The following NLGN1 variants were observed in gnomAD, a reference collection of about 807,000 sequenced individuals.
NLGN1 encodes neuroligin 1, also known as neuroligin-1.
In NLGN1, 12 loss-of-function variants were observed where a neutral mutation model predicts 65.5. That is an observed-to-expected ratio of 0.18 (90% CI 0.12 to 0.30). The LOEUF is 0.30. Ranked by LOEUF, NLGN1 falls within the 10% of genes least tolerant of loss-of-function variation. NLGN1 has a pLI of 1.00. For synonymous variants in NLGN1, 350 were observed against 359.5 expected (o/e 0.97, Z 0.30); for missense variants, 750 against 1,007.1 (o/e 0.74, Z 3.46).
chr3:174,280,008 G>A lies in NLGN1; in HGVS notation c.1649+358G>A, dbSNP rs924362879. On this transcript the variant is annotated intron_variant, in intron 6 of 6. Transcript: ENST00000457714. The surrounding 1 kb of genome is among the most constrained non-coding windows in gnomAD (Gnocchi z 4.9). Reference sequence around the variant, plus strand: ...CCTTCCAACTACCTTTCTGAATCTCGCAGATCAGGTACTATTAATCCCACT... The same window carrying A: ...CCTTCCAACTACCTTTCTGAATCTCACAGATCAGGTACTATTAATCCCACT... Among the ~76,000 whole-genome samples the A allele has an allele frequency of 6.6e-6, 1 of 151,796 alleles. No homozygotes were observed. Among genetic ancestry groups the A allele is most frequent in the Non-Finnish European group, 1.5e-5 (1 of 67,926 alleles).
In NLGN1 at chr3:174,018,251, C is replaced by T. The variant is rs543275598; in HGVS notation, c.646+210419C>T. On this transcript the variant is annotated intron_variant, in intron 4 of 6. Transcript: ENST00000457714. The stretch of plus-strand genomic sequence containing the variant: ...TATCCTGTTCTTTTTTCAAGGTGCC[C>T]ACATTTCATATTGTTTAAACAATTT... 2.0e-5 allele frequency among the ~76,000 whole-genome samples: 3 copies of T among 152,174 alleles called. No individual in the cohort carries two copies. The East Asian group carries it at 5.8e-4, about 29-fold the overall frequency.
chr3:173,571,791 G>T (rs1744696119), intron 2 of NLGN1, among the ~76,000 whole-genome samples: 1 of 152,086 alleles, frequency 6.6e-6, no homozygotes. Flanking sequence ...ATCTTTTAAT[G>T]GAGCATTTCA....
intron 3 of NLGN1, among the ~76,000 whole-genome samples, chr3:173,756,899 T>A (rs915118972): frequency 6.6e-6 from 1 of 151,830 alleles, no homozygotes; most frequent in African/African-American, 2.4e-5. Context: ...TGACTGATGT[T>A]TATACAAACA....
At chr3:173,766,792 G>C (rs1055146283) in intron 3 of NLGN1, among the ~76,000 whole-genome samples, 1 of 152,020 alleles carries the variant, frequency 6.6e-6, no homozygotes, top group South Asian at 2.1e-4. Flanking sequence ...TGCCTTTTTC[G>C]TTTTTATAAG....
At chr3:173,651,854 G>T (rs141365746) in intron 3 of NLGN1, among the ~76,000 whole-genome samples, 1 of 152,016 alleles carries the variant, frequency 6.6e-6, no homozygotes, top group South Asian at 2.1e-4. Context: ...GTGCAGTGGC[G>T]TGGTCTTGGC....
At chr3:174,222,284 T>C (rs974095754) in intron 4 of NLGN1, among the ~76,000 whole-genome samples, 16 of 142,110 alleles carry the variant, frequency 1.1e-4, no homozygotes, top group African/African-American at 3.9e-4. Flanking sequence ...TAGATAGTTA[T>C]AGTAAAAGCA....
At chr3:173,607,953 T>TAC (rs1751645987) in intron 3 of NLGN1, among the ~76,000 whole-genome samples, 1 of 151,830 alleles carries the variant, frequency 6.6e-6, no homozygotes. Flanking sequence ...CTGAGCCAAG[T>TAC]ACTCTATAAT....
At chr3:173,601,197 G>C (rs1048675612) in intron 2 of NLGN1, among the ~76,000 whole-genome samples, 1 of 152,068 alleles carries the variant, frequency 6.6e-6, no homozygotes, top group Admixed American at 6.6e-5. Flanking sequence ...TACTGAGTAA[G>C]ATTTTCTGGC....
chr3:173,698,034 A>G (rs1415813502), intron 3 of NLGN1, among the ~76,000 whole-genome samples: 1 of 2,542 alleles, frequency 3.9e-4, no homozygotes, highest in African/African-American at 1.6e-3. Context: ...TTAAAAAATG[A>G]AAAAAAAAAA....
intron 4 of NLGN1, among the ~76,000 whole-genome samples, chr3:173,934,226 A>G (rs923329641): frequency 6.7e-6 from 1 of 149,244 alleles, no homozygotes. Context: ...AAGTTACAAT[A>G]ATAATAATAA....
In NLGN1 at chr3:173,536,464, G is replaced by C. The variant is rs547421111; in HGVS notation, c.-320-67815G>C. 5.9e-5 allele frequency among the ~76,000 whole-genome samples: 9 copies of C among 152,148 alleles called. No individual in the cohort carries two copies. The South Asian group carries it at 8.3e-4, about 14-fold the overall frequency. ...TTCAGTTTTGATGAGTAAATAGTAA[G>C]ATATTAAGGCAGTATTCTCAGTTGT... On this transcript the variant is annotated intron_variant, in intron 2 of 6. Transcript: ENST00000457714.
At chr3:173,408,484 A>G (rs1711755399) in intron 1 of NLGN1, among the ~76,000 whole-genome samples, 1 of 152,240 alleles carries the variant, frequency 6.6e-6, no homozygotes, top group South Asian at 2.1e-4. Context: ...GTCACTCTCC[A>G]TAAAAACAGC....
intron 2 of NLGN1, among the ~76,000 whole-genome samples, chr3:173,474,048 G>T (rs1725768306): frequency 6.6e-6 from 1 of 152,124 alleles, no homozygotes; most frequent in African/African-American, 2.4e-5. Flanking sequence ...CCTAGGCCAG[G>T]TCTCAGTTGA....
chr3:174,005,260 A>G (rs940233263), intron 4 of NLGN1, among the ~76,000 whole-genome samples: 1 of 152,164 alleles, frequency 6.6e-6, no homozygotes, highest in Non-Finnish European at 1.5e-5. Context: ...ATTATAATCT[A>G]TGACCTCTAA....
chr3:174,152,734 T>C (rs1724635609), intron 4 of NLGN1, among the ~76,000 whole-genome samples: 1 of 152,090 alleles, frequency 6.6e-6, no homozygotes, highest in Non-Finnish European at 1.5e-5. Flanking sequence ...GGCTGACACA[T>C]AGTATTCATT....
chr3:173,711,430 G>A (rs908339589), intron 3 of NLGN1, among the ~76,000 whole-genome samples: 1 of 152,126 alleles, frequency 6.6e-6, no homozygotes, highest in African/African-American at 2.4e-5. Flanking sequence ...GCTACCACCT[G>A]TTGCAAACTT....
At position 173,971,172 on chromosome 3, in the gene NLGN1, G is replaced by A. The variant is rs938079378; in HGVS notation, c.646+163340G>A. Among the ~76,000 whole-genome samples the A allele has an allele frequency of 4.6e-4, 70 of 151,950 alleles. 1 individual carries two copies. Among genetic ancestry groups the A allele is most frequent in the African/African-American group, 1.6e-3 (66 of 41,368 alleles). ...ATAAAATCCCTGAACGAGAAAGAGG[G>A]AATCATAAAGGGATATAAGAGAAAA... On this transcript the variant is annotated intron_variant, in intron 4 of 6. Transcript: ENST00000457714.
At chr3:174,058,568 T>G (rs1736682373) in intron 4 of NLGN1, among the ~76,000 whole-genome samples, 1 of 152,090 alleles carries the variant, frequency 6.6e-6, no homozygotes, top group African/African-American at 2.4e-5. Flanking sequence ...TGTTGAAAAG[T>G]TCATAAGTAA....
rs145812733 is a variant in NLGN1, at chr3:173,861,515, CGTGTGTGTGTGTGTGTGT to C, written c.646+53708_646+53725del. ...GAATTGCCAATTCCAGTAGCTGGCACGTGTGTGTGTGTGTGTGTGTGTGTGTGTGTGTGTGTGTGTGTA... is the reference window on the plus strand; with the variant it reads ...GAATTGCCAATTCCAGTAGCTGGCACGTGTGTGTGTGTGTGTGTGTGTGTA... On this transcript the variant is annotated intron_variant, in intron 4 of 6. Coordinates refer to ENST00000457714, the Ensembl canonical transcript of NLGN1. 8.5e-4 allele frequency among the ~76,000 whole-genome samples: 120 copies of C among 141,452 alleles called. 1 individual carries two copies. Among genetic ancestry groups the C allele is most frequent in the African/African-American group, 2.8e-3 (106 of 38,416 alleles). The allele number at this position is 141,452 out of a possible 152,430, so 92.8% of individuals were successfully genotyped here.
Sources: allele counts gnomAD v4.1 joint callset (sites outside exome capture counted in the v4.1 genomes callset), GRCh38; gene constraint gnomAD v4.1.1; non-coding constraint Gnocchi (gnomAD v3.1); transcripts MANE v1.5; gene names NCBI Gene and HGNC (gene_info 2026-07-23, HGNC 2026-07-21).